The following C1orf21 variants were observed in gnomAD, a reference collection of about 807,000 sequenced individuals.
The protein encoded by C1orf21 is chromosome 1 open reading frame 21.
In C1orf21, 3 loss-of-function variants were observed where a neutral mutation model predicts 18.7. The ratio of observed to expected loss-of-function variants is 0.16; its 90% CI spans 0.07 to 0.42. The LOEUF (loss-of-function observed/expected upper bound fraction) is 0.42, where lower values mean the gene tolerates loss of function less well. Ranked by LOEUF, C1orf21 falls within the 10% of genes least tolerant of loss-of-function variation. The probability of loss-of-function intolerance (pLI) is 0.99; values close to 1 mark genes in which losing one functional copy is unlikely to be tolerated. For synonymous variants in C1orf21, 41 were observed against 46.4 expected (o/e 0.88, Z 0.47); for missense variants, 104 against 143.6 (o/e 0.72, Z 1.41).
intron 1 of C1orf21, among the ~76,000 whole-genome samples, chr1:184,433,023 C>T (rs1656791812): frequency 6.6e-6 from 1 of 152,154 alleles, no homozygotes; most frequent in African/African-American, 2.4e-5. Context: ...GCTACAGTCC[C>T]CTTAGGTTTG....
chr1:184,483,412 C>T (rs983219226), intron 2 of C1orf21, among the ~76,000 whole-genome samples: 2 of 152,332 alleles, frequency 1.3e-5, no homozygotes, highest in African/African-American at 2.4e-5. Flanking sequence ...GAAATTAATA[C>T]GTCAGGCTTG....
chr1:184,551,814 CT>C (rs1370886742), intron 3 of C1orf21, among the ~76,000 whole-genome samples: 1 of 151,938 alleles, frequency 6.6e-6, no homozygotes, highest in Non-Finnish European at 1.5e-5. Flanking sequence ...TGAGACCAGC[CT>C]GGACAATGTG....
chr1:184,613,698 C>T (rs1659774744), intron 5 of C1orf21, among the ~76,000 whole-genome samples: 1 of 152,304 alleles, frequency 6.6e-6, no homozygotes, highest in African/African-American at 2.4e-5. Context: ...AGAGTGTTCA[C>T]AACCCTTGGA....
At chr1:184,458,021 A>C (rs1657247402) in intron 1 of C1orf21, among the ~76,000 whole-genome samples, 1 of 152,218 alleles carries the variant, frequency 6.6e-6, no homozygotes, top group South Asian at 2.1e-4. Flanking sequence ...TTTATAAAAG[A>C]GGAAACTGAG....
intron 1 of C1orf21, among the ~76,000 whole-genome samples, chr1:184,413,764 G>A (rs531238934): frequency 2.0e-5 from 3 of 152,228 alleles, no homozygotes; most frequent in South Asian, 2.1e-4. Flanking sequence ...ATGAAAATAC[G>A]GTCCCTGTGT....
At chr1:184,558,807 A>G (rs1180944570) in intron 3 of C1orf21, among the ~76,000 whole-genome samples, 2 of 152,246 alleles carry the variant, frequency 1.3e-5, no homozygotes, top group Non-Finnish European at 2.9e-5. Flanking sequence ...AATTGTTGTG[A>G]GTGATAAATC....
At chr1:184,444,833 G>T (rs1401862247) in intron 1 of C1orf21, among the ~76,000 whole-genome samples, 3 of 152,120 alleles carry the variant, frequency 2.0e-5, no homozygotes, top group Non-Finnish European at 4.4e-5. Flanking sequence ...TACTTAGGAG[G>T]TGCTAAGTAC....
chr1:184,561,609 G>GGGTT (rs1400424110), intron 3 of C1orf21, among the ~76,000 whole-genome samples: 1 of 152,012 alleles, frequency 6.6e-6, no homozygotes, highest in Admixed American at 6.6e-5. Context: ...TATGTTTCTA[G>GGGTT]GGTTGTTTGT....
intron 4 of C1orf21, chr1:184,592,236 T>C (rs191421046): frequency 2.6e-5 from 4 of 152,258 alleles, no homozygotes; most frequent in Admixed American, 2.0e-4. Flanking sequence ...TACATCACAA[T>C]TGGAAAGTTA....
chr1:184,601,691 A>G (rs1328098907), intron 5 of C1orf21, among the ~76,000 whole-genome samples: 1 of 152,182 alleles, frequency 6.6e-6, no homozygotes, highest in African/African-American at 2.4e-5. Context: ...TCATGAGGTC[A>G]GGAGTTCAAG....
intron 1 of C1orf21, among the ~76,000 whole-genome samples, chr1:184,396,440 G>T (rs1656051440): frequency 6.6e-6 from 1 of 152,144 alleles, no homozygotes. Flanking sequence ...GAGTGATAAA[G>T]GGGATAGAGT....
At chr1:184,391,274 A>T (rs1047932572) in intron 1 of C1orf21, among the ~76,000 whole-genome samples, 5 of 152,208 alleles carry the variant, frequency 3.3e-5, no homozygotes, top group Non-Finnish European at 7.3e-5. Context: ...TTTGTTAACT[A>T]TATTACTAGA....
At chr1:184,572,544 T>G (rs963367285) in intron 3 of C1orf21, among the ~76,000 whole-genome samples, 1 of 152,226 alleles carries the variant, frequency 6.6e-6, no homozygotes, top group African/African-American at 2.4e-5. Context: ...TCTAGTAAGT[T>G]CTATCAATCA....
In C1orf21 at chr1:184,472,459, T is replaced by A. The variant is rs1657509345; in HGVS notation, c.-124-4927T>A. Among the ~76,000 whole-genome samples, 6 of 152,330 alleles carry A rather than the reference T, an allele frequency of 3.9e-5. No individual in the cohort carries two copies. The South Asian group carries it at 1.2e-3, about 32-fold the overall frequency. On this transcript the variant is annotated intron_variant, in intron 1 of 5. Coordinates refer to ENST00000235307, the MANE Select transcript of C1orf21 (RefSeq NM_030806.4). ...AGAAGTGCCTTTCTTGACAGGGAATTTATCTACAATATTTTTGCCTTTTGT... is the reference window on the plus strand; with the variant it reads ...AGAAGTGCCTTTCTTGACAGGGAATATATCTACAATATTTTTGCCTTTTGT...
chr1:184,427,904 G>A (rs1656667018), intron 1 of C1orf21, among the ~76,000 whole-genome samples: 1 of 152,056 alleles, frequency 6.6e-6, no homozygotes, highest in South Asian at 2.1e-4. Context: ...CTTAAGTAAG[G>A]GCCTTATGAC....
At chr1:184,409,182 T>C (rs1222211171) in intron 1 of C1orf21, among the ~76,000 whole-genome samples, 1 of 152,156 alleles carries the variant, frequency 6.6e-6, no homozygotes, top group African/African-American at 2.4e-5. Flanking sequence ...TAGACTAGGG[T>C]GGGATCTTAC....
chr1:184,575,016 G>T (rs117094059), intron 3 of C1orf21, among the ~76,000 whole-genome samples: 2 of 152,138 alleles, frequency 1.3e-5, no homozygotes, highest in Non-Finnish European at 2.9e-5. Context: ...GAAAAGATAC[G>T]CAAATGAAGA....
Position 184,614,731 on chromosome 1 carries a change from G to A in C1orf21, c.328-4787G>A, listed in dbSNP as rs560478838. Among the ~76,000 whole-genome samples, 25 of 152,308 alleles carry A rather than the reference G, an allele frequency of 1.6e-4. No individual in the cohort carries two copies. The East Asian group carries it at 4.6e-3, about 28-fold the overall frequency. On this transcript the variant is annotated intron_variant, in intron 5 of 5. Coordinates refer to ENST00000235307, the MANE Select transcript of C1orf21 (RefSeq NM_030806.4). ...CAAGATGGTCCCATCTGGGGATGGT[G>A]GGAGACACTGACAGATCATCAGGCA...
intron 1 of C1orf21, among the ~76,000 whole-genome samples, chr1:184,467,258 C>T (rs756321139): frequency 1.8e-4 from 28 of 152,092 alleles, no homozygotes; most frequent in Non-Finnish European, 2.4e-4. Context: ...GACATTGTGC[C>T]GGAGGGAATA....
Sources: gnomAD v4.1 joint callset for allele counts (sites outside exome capture counted in the v4.1 genomes callset) on GRCh38, gnomAD v4.1.1 for gene constraint, MANE v1.5 for transcripts, NCBI Gene and HGNC (gene_info 2026-07-23, HGNC 2026-07-21) for gene names.